ITK: variants seen among roughly 807,000 people sequenced by gnomAD.
The protein encoded by ITK is IL2 inducible T cell kinase.
A neutral mutation model predicts 87.6 loss-of-function variants in ITK; 45 were observed. The observed-to-expected ratio is 0.51, with a 90% CI of 0.40 to 0.66. The LOEUF is 0.66. ITK is among the 30% of genes least tolerant of loss of function. ITK has a pLI of 0.00. For missense variants in ITK, 605 were observed against 766.3 expected, an observed-to-expected ratio of 0.79 and a Z score of 2.48; for synonymous variants, 303 against 273.6, an observed-to-expected ratio of 1.11 and a Z score of -1.06.
At chr5:157,225,891 T>A (rs1754522354) in intron 6 of ITK, among the ~76,000 whole-genome samples, 2 of 152,184 alleles carry the variant, frequency 1.3e-5, no homozygotes, top group South Asian at 4.1e-4. Flanking sequence ...AGGAAATTTG[T>A]TCTCCTAGGC....
In ITK at chr5:157,229,921, A is replaced by G. The variant is rs975744066; in HGVS notation, c.713+1560A>G. ...AAGAGCGAAACTCCATCTCAAAAAAAATAATAGTAATAGATTAAAGACACA... is the reference window on the plus strand; with the variant it reads ...AAGAGCGAAACTCCATCTCAAAAAAGATAATAGTAATAGATTAAAGACACA... On this transcript the variant is annotated intron_variant, in intron 7 of 16. Transcript: ENST00000422843. 2.6e-5 allele frequency among the ~76,000 whole-genome samples: 4 copies of G among 152,352 alleles called. No homozygotes were observed. In the East Asian group the frequency reaches 7.7e-4, roughly 29 times the overall value.
chr5:157,233,273 C>G (rs1754695904), intron 8 of ITK, among the ~76,000 whole-genome samples: 2 of 152,230 alleles, frequency 1.3e-5, no homozygotes, highest in East Asian at 3.8e-4. Context: ...GTGACCAACA[C>G]AGCTGATCTC....
chr5:157,213,463 G>C, intron 3 of ITK: 1 of 391,510 alleles, frequency 2.6e-6, no homozygotes, highest in East Asian at 7.1e-5. Flanking sequence ...CTGCAGCCTC[G>C]ACCTATTGGG....
chr5:157,197,388 T>C (rs573079462), intron 1 of ITK, among the ~76,000 whole-genome samples: 7 of 152,364 alleles, frequency 4.6e-5, no homozygotes, highest in South Asian at 4.1e-4. Flanking sequence ...AAGTTGACAC[T>C]ATGATGTTTT....
chr5:157,198,420 CAT>C (rs956862873), intron 1 of ITK, among the ~76,000 whole-genome samples: 4 of 152,116 alleles, frequency 2.6e-5, no homozygotes, highest in Non-Finnish European at 5.9e-5. Context: ...TTGTTTTCCT[CAT>C]AGCACATCCA....
intron 1 of ITK, among the ~76,000 whole-genome samples, chr5:157,188,704 C>T (rs1214804567): frequency 1.3e-5 from 2 of 152,180 alleles, no homozygotes; most frequent in Admixed American, 6.5e-5. Flanking sequence ...GTCACTGCAA[C>T]CTCTGCCTTT....
At chr5:157,202,997 A>C (rs1194727428) in intron 1 of ITK, among the ~76,000 whole-genome samples, 1 of 152,138 alleles carries the variant, frequency 6.6e-6, no homozygotes, top group Non-Finnish European at 1.5e-5. Context: ...TTTCTACCCC[A>C]GGATTTTGCC....
intron 8 of ITK, 39 bp from the exon 9 acceptor site, chr5:157,238,070 C>A: frequency 6.6e-7 from 1 of 1,516,602 alleles, no homozygotes; most frequent in South Asian, 1.1e-5. Context: ...GCCTGGTTTC[C>A]TGAGATCACT....
intron 1 of ITK, among the ~76,000 whole-genome samples, chr5:157,189,042 A>C (rs527495318): frequency 3.7e-4 from 57 of 152,332 alleles, no homozygotes; most frequent in African/African-American, 1.4e-3. Flanking sequence ...CTCATGTTGC[A>C]TTCAGAAAAG....
chr5:157,210,868 T>C (rs1754177713), intron 2 of ITK, among the ~76,000 whole-genome samples: 1 of 152,054 alleles, frequency 6.6e-6, no homozygotes, highest in Non-Finnish European at 1.5e-5. Context: ...GTACTATTTC[T>C]GGAACTTCTT....
intron 5 of ITK, 49 bp downstream of exon 5, chr5:157,217,956 G>A: frequency 6.6e-7 from 1 of 1,516,746 alleles, no homozygotes; most frequent in South Asian, 1.1e-5. Context: ...CAGGCTACCT[G>A]ATTGGCATGT....
At chr5:157,204,208 G>A (rs997773977) in intron 1 of ITK, among the ~76,000 whole-genome samples, 5 of 152,170 alleles carry the variant, frequency 3.3e-5, no homozygotes, top group African/African-American at 1.2e-4. Flanking sequence ...GTCTCACTAT[G>A]TTGCCCAGGC....
chr5:157,195,088 T>A (rs1485926494), intron 1 of ITK: 4 of 152,208 alleles, frequency 2.6e-5, no homozygotes, highest in African/African-American at 4.8e-5. Flanking sequence ...TTAATAGATA[T>A]AAGCACAGAG....
chr5:157,245,566 G>A (rs1051761426), intron 13 of ITK, 160 bp from the exon 14 acceptor site: 17 of 691,814 alleles, frequency 2.5e-5, no homozygotes, highest in Middle Eastern at 3.7e-4. Flanking sequence ...AACTTCCAGC[G>A]GCATTTGTGA....
intron 15 of ITK, among the ~76,000 whole-genome samples, chr5:157,247,561 T>G (rs923573677): frequency 6.6e-6 from 1 of 152,318 alleles, no homozygotes; most frequent in Non-Finnish European, 1.5e-5. Context: ...GCCTGGGAAT[T>G]TCCTGGGGCA....
intron 1 of ITK, among the ~76,000 whole-genome samples, chr5:157,186,146 G>A (rs1306235459): frequency 6.6e-6 from 1 of 152,114 alleles, no homozygotes; most frequent in Non-Finnish European, 1.5e-5. Flanking sequence ...TATTACCATA[G>A]TTGTTACTCA....
In ITK at chr5:157,245,232, A is replaced by C; in HGVS notation, c.1450-494A>C. 1.4e-5 allele frequency: 3 copies of C among 210,080 alleles called. No individual in the cohort carries two copies. The South Asian group carries it at 2.2e-4, about 15-fold the overall frequency. 13.0% of individuals were successfully genotyped at this position (210,080 alleles called of 1,614,324 possible). ...ACAGTAAGACTCCATCTAAAAAAAA[A>C]AAAAAAAAAAAAATTGAGACACACT... On this transcript the variant is annotated intron_variant, in intron 13 of 16. Coordinates refer to ENST00000422843, the MANE Select transcript of ITK (RefSeq NM_005546.4).
At chr5:157,184,378 C>G (rs1209410414) in intron 1 of ITK, among the ~76,000 whole-genome samples, 1 of 152,136 alleles carries the variant, frequency 6.6e-6, no homozygotes, top group Non-Finnish European at 1.5e-5. Context: ...TAACAATTAG[C>G]TACCTCGGGC....
chr5:157,251,843 T>C (rs1288442249), intron 16 of ITK, among the ~76,000 whole-genome samples: 1 of 152,220 alleles, frequency 6.6e-6, no homozygotes, highest in East Asian at 1.9e-4. Context: ...TCCATTAATC[T>C]GTTTGTTTAT....
Sources: allele counts gnomAD v4.1 joint callset (sites outside exome capture counted in the v4.1 genomes callset), GRCh38; gene constraint gnomAD v4.1.1; transcripts MANE v1.5; gene names NCBI Gene and HGNC (gene_info 2026-07-23, HGNC 2026-07-21).